NEFH: variants seen among roughly 807,000 people sequenced by gnomAD.
NEFH encodes neurofilament heavy chain, also known as neurofilament heavy polypeptide.
NEFH carries 58 observed loss-of-function variants against 56.6 expected under a neutral mutation model. The observed-to-expected ratio is 1.03, with a 90% CI of 0.83 to 1.28. NEFH has a LOEUF of 1.28. Ranked by LOEUF, NEFH falls within the 50% of genes most tolerant of loss-of-function variation. The pLI is 0.00. For synonymous variants in NEFH, 542 were observed against 545.8 expected, an observed-to-expected ratio of 0.99 and a Z score of 0.10; for missense variants, 1,221 against 1,307.6, an observed-to-expected ratio of 0.93 and a Z score of 1.02.
rs1292984920 is a variant in NEFH, at chr22:29,488,233, G to A, written c.1209-616G>A. ...ACAAAAATTAACTGGACGTGGTGGC[G>A]TGCGCCTGTACTCCCAGCTACTCAG... On this transcript the variant is annotated intron_variant, in intron 3 of 3. Transcript: ENST00000310624. Among the ~76,000 whole-genome samples the A allele has an allele frequency of 7.2e-5, 11 of 152,054 alleles. No homozygotes were observed. In the South Asian group the frequency reaches 2.1e-3, roughly 29 times the overall value.
Position 29,490,510 on chromosome 22 carries a change from C to T in NEFH, c.2870C>T (p.Thr957Ile), listed in dbSNP as rs1280486804. 1 of 1,593,790 alleles carries T rather than the reference C, an allele frequency of 6.3e-7. No homozygotes were observed. Among genetic ancestry groups the T allele is most frequent in the Admixed American group, 1.8e-5 (1 of 54,598 alleles). The part of the protein sequence containing the change: ...KKEAAPEKKD[T>I]KEEKAKKPEE... ...GAGGCAGCACCGGAGAAAAAAGACACCAAGGAGGAGAAGGCCAAGAAGCCT... is the reference window on the plus strand; with the variant it reads ...GAGGCAGCACCGGAGAAAAAAGACATCAAGGAGGAGAAGGCCAAGAAGCCT... The change falls in exon 4 of 4, where the codon ACC becomes ATC. Residue 957 changes from threonine to isoleucine, a missense_variant. Coordinates refer to ENST00000310624, the MANE Select transcript of NEFH (RefSeq NM_021076.4).
Position 29,490,888 on chromosome 22 carries a change from C to CA in NEFH, c.*186dup. On this transcript the variant is annotated 3_prime_UTR_variant, in exon 4 of 4. Transcript: ENST00000310624. ...ATATGTTAGCAAGAGAGGGCACTCCCAGGCCCCTGCCCCCAGGCCCTCCCC... is the reference window on the plus strand; with the variant it reads ...ATATGTTAGCAAGAGAGGGCACTCCCAAGGCCCCTGCCCCCAGGCCCTCCCC... The CA allele has an allele frequency of 8.4e-7, 1 of 1,186,570 alleles. No individual in the cohort carries two copies. The highest frequency in any genetic ancestry group is 1.5e-5 in the African/African-American group (1 of 65,844). 73.5% of individuals were successfully genotyped at this position (1,186,570 alleles called of 1,614,324 possible). A position where few individuals can be genotyped will look rare whatever the true frequency, so the allele number is the denominator to read the frequency against.
chr22:29,485,582 C>A, intron 2 of NEFH, 141 bp from the exon 3 acceptor site: 1 of 983,004 alleles, frequency 1.0e-6, no homozygotes, highest in Admixed American at 2.0e-5. Flanking sequence ...GAGGACCCTA[C>A]AGCTCTGGCA....
At chr22:29,486,082 G>A (rs779090983) in intron 3 of NEFH, among the ~76,000 whole-genome samples, 70 of 152,164 alleles carry the variant, frequency 4.6e-4, no homozygotes, top group Non-Finnish European at 7.9e-4. Context: ...ATGGTGGTGC[G>A]ATCTCTGCCC....
rs370305191 is a variant in NEFH, at chr22:29,480,272, T to G, written c.10T>G (p.Phe4Val). The change falls in exon 1 of 4, where the codon TTC (phenylalanine) becomes GTC (valine). Residue 4 changes from phenylalanine to valine, a missense_variant. By Grantham distance (50) the Phe-to-Val change is conservative. This residue lies in a region of NEFH where 640 missense variants were observed against 555.5 expected (regional missense o/e 1.15). Coordinates refer to ENST00000310624, the MANE Select transcript of NEFH (RefSeq NM_021076.4). MMS[F>V]GGADALLGAP... is the part of the protein sequence containing the mutation. Reference sequence around the variant, plus strand: ...CGCACCTGCTCAGGCCATGATGAGCTTCGGCGGCGCGGACGCGCTGCTGGG... The same window carrying G: ...CGCACCTGCTCAGGCCATGATGAGCGTCGGCGGCGCGGACGCGCTGCTGGG... 6.6e-7 allele frequency: 1 copy of G among 1,510,708 alleles called. No homozygotes were observed. Among genetic ancestry groups the G allele is most frequent in the South Asian group, 1.2e-5 (1 of 81,318 alleles). The allele number at this position is 1,510,708 out of a possible 1,614,324, so 93.6% of individuals were successfully genotyped here.
chr22:29,489,116 G>A lies in NEFH; in HGVS notation c.1476G>A (p.Glu492=). The change falls in exon 4 of 4, where the codon GAG becomes GAA. Residue 492 remains glutamate, a synonymous_variant. Transcript: ENST00000310624. ...AGGAGGAAGAAGGGGGTGAAGAAGA[G>A]GAGGCAGAAGGGGGAGAAGAAGAAA... is the stretch of plus-strand genomic sequence containing the variant. ...EGKEEEGGEE[E]EAEGGEEETK... is the part of the protein sequence containing the mutation. 3.7e-6 allele frequency: 6 copies of A among 1,613,430 alleles called. No homozygotes were observed. Among genetic ancestry groups the A allele is most frequent in the East Asian group, 4.5e-5 (2 of 44,862 alleles).
At chr22:29,483,122 A>G (rs2063021300) in intron 1 of NEFH, among the ~76,000 whole-genome samples, 1 of 152,116 alleles carries the variant, frequency 6.6e-6, no homozygotes, top group African/African-American at 2.4e-5. Context: ...TACTAAAAAT[A>G]CAAAAAATTA....
rs930326229 is a variant in NEFH, at chr22:29,480,925, G to A, written c.663G>A (p.Gln221=). 6 of 1,519,340 alleles carry A rather than the reference G, an allele frequency of 3.9e-6. No individual in the cohort carries two copies. The African/African-American group carries it at 8.5e-5, about 22-fold the overall frequency. The allele number at this position is 1,519,340 out of a possible 1,614,324, so 94.1% of individuals were successfully genotyped here. A position where few individuals can be genotyped will look rare whatever the true frequency, so the allele number is the denominator to read the frequency against. ...GCGTGGACCTGCAGAAGAAGGCGCA[G>A]GCGCTGCAGGAGGAGTGCGGCTACC... ...AARVDLQKKA[Q]ALQEECGYLR... is the part of the protein sequence containing the mutation. Residue 221 remains glutamine (Q), a synonymous_variant, in exon 1 of 4, where the codon CAG becomes CAA. Transcript: ENST00000310624.
chr22:29,489,943 C>T lies in NEFH; in HGVS notation c.2303C>T (p.Thr768Ile). Residue 768 changes from threonine to isoleucine, a missense_variant, in exon 4 of 4, where the codon ACT becomes ATT. Physicochemically the swap from Thr to Ile is moderately conservative, Grantham distance 89. Transcript: ENST00000310624. ...TLDVKSPEAK[T>I]PAKEEARSPA... ...GATGTGAAGTCTCCAGAAGCCAAGA[C>T]TCCAGCGAAGGAGGAAGCAAGGTCC... The T allele has an allele frequency of 1.2e-6, 2 of 1,613,392 alleles. No individual in the cohort carries two copies. Among genetic ancestry groups the T allele is most frequent in the South Asian group, 2.2e-5 (2 of 91,038 alleles).
chr22:29,481,085 C>G lies in NEFH; in HGVS notation c.823C>G (p.Arg275Gly), dbSNP rs1293840406. ...CGTGACGTCGGCGCTGCGCGAGATT[C>G]GCGCGCAGCTTGAAGGCCACGCGGT... is the stretch of plus-strand genomic sequence containing the variant. Reference protein sequence around the residue: ...CDVTSALREIRAQLEGHAVQS... With the variant: ...CDVTSALREIGAQLEGHAVQS... The change falls in exon 1 of 4, where the codon CGC (arginine) becomes GGC (glycine). Residue 275 changes from arginine (R) to glycine (G), a missense_variant. This residue lies in a region of NEFH where 640 missense variants were observed against 555.5 expected (regional missense o/e 1.15). Transcript: ENST00000310624. The G allele has an allele frequency of 2.0e-6, 3 of 1,531,992 alleles. No individual in the cohort carries two copies. The highest frequency in any genetic ancestry group is 2.0e-5 in the Admixed American group (1 of 50,938). The allele number at this position is 1,531,992 out of a possible 1,614,324, so 94.9% of individuals were successfully genotyped here.
intron 1 of NEFH, among the ~76,000 whole-genome samples, chr22:29,482,558 G>T (rs1217184436): frequency 2.0e-5 from 3 of 152,232 alleles, no homozygotes; most frequent in Non-Finnish European, 4.4e-5. Context: ...ACTGACCTTG[G>T]ACTGTGCGCA....
intron 2 of NEFH, among the ~76,000 whole-genome samples, chr22:29,484,376 A>G (rs1211870586): frequency 6.6e-6 from 1 of 152,046 alleles, no homozygotes; most frequent in Non-Finnish European, 1.5e-5. Flanking sequence ...CTAGTGGCTC[A>G]TGCCTGTAAT....
Position 29,480,226 on chromosome 22 carries a change from T to G in NEFH, c.-37T>G. ...GGCGCCCTGGTGCTGCCGCAGTGCC[T>G]CCCGCCCCGTCCCGGCCTCGCGCAC... On this transcript the variant is annotated 5_prime_UTR_variant, in exon 1 of 4. Coordinates refer to ENST00000310624, the MANE Select transcript of NEFH (RefSeq NM_021076.4). 6.7e-7 allele frequency: 1 copy of G among 1,491,390 alleles called. No individual in the cohort carries two copies. Among genetic ancestry groups the G allele is most frequent in the Non-Finnish European group, 8.8e-7 (1 of 1,129,962 alleles). 92.4% of individuals were successfully genotyped at this position (1,491,390 alleles called of 1,614,324 possible).
In NEFH at chr22:29,490,747, A is replaced by G; in HGVS notation, c.*44A>G. On this transcript the variant is annotated 3_prime_UTR_variant, in exon 4 of 4. Coordinates refer to ENST00000310624, the MANE Select transcript of NEFH (RefSeq NM_021076.4). ...TCCGGAACAGCCAAAGAAACTCAGA[A>G]GAGTCCCGGAGCTCAAGGATCAGAG... The G allele has an allele frequency of 6.2e-7, 1 of 1,612,506 alleles. No homozygotes were observed. Among genetic ancestry groups the G allele is most frequent in the Non-Finnish European group, 8.5e-7 (1 of 1,179,510 alleles).
Position 29,490,624 on chromosome 22 carries a change from A to G in NEFH, c.2984A>G (p.Glu995Gly). Residue 995 changes from glutamate to glycine, a missense_variant, in exon 4 of 4, where the codon GAA (glutamate) becomes GGA (glycine). Around this residue, in one of 4 missense-constraint regions of NEFH, gnomAD observed 301 missense variants for 346.6 expected, o/e 0.87. Transcript: ENST00000310624. ...AGCAAGCCTAAGGCAGAAAAGGCTG[A>G]AAAATCCTCCAGCACAGACCAAAAA... ...EPSKPKAEKA[E>G]KSSSTDQKDS... is the part of the protein sequence containing the mutation. 1 of 1,614,156 alleles carries G rather than the reference A, an allele frequency of 6.2e-7. No individual in the cohort carries two copies. The highest frequency in any genetic ancestry group is 8.5e-7 in the Non-Finnish European group (1 of 1,180,036).
At position 29,483,506 on chromosome 22, in the gene NEFH, A is replaced by C. The variant is rs771953346; in HGVS notation, c.1015A>C (p.Lys339Gln). The C allele has an allele frequency of 1.2e-6, 2 of 1,614,096 alleles. No homozygotes were observed. Among genetic ancestry groups the C allele is most frequent in the South Asian group, 2.2e-5 (2 of 91,092 alleles). The change falls in exon 2 of 4, where the codon AAG (lysine) becomes CAG (glutamine). Residue 339 changes from lysine (K) to glutamine (Q), a missense_variant. Coordinates refer to ENST00000310624, the MANE Select transcript of NEFH (RefSeq NM_021076.4). ...TTELEALKST[K>Q]DSLERQRSEL... is the part of the protein sequence containing the mutation. The stretch of plus-strand genomic sequence containing the variant: ...AGAGCTGGAGGCACTGAAAAGCACC[A>C]AGGACTCACTGGAGAGGCAGCGCTC...
At chr22:29,481,618 C>T (rs148229152) in intron 1 of NEFH, among the ~76,000 whole-genome samples, 6 of 152,340 alleles carry the variant, frequency 3.9e-5, no homozygotes, top group Admixed American at 3.9e-4. Context: ...CTACCAGGCT[C>T]CTTCCCACTA....
Position 29,480,583 on chromosome 22 carries a change from C to CT in NEFH, c.323dup (p.Ala109ArgfsTer171). 1 of 1,556,052 alleles carries CT rather than the reference C, an allele frequency of 6.4e-7. No homozygotes were observed. The highest frequency in any genetic ancestry group is 8.6e-7 in the Non-Finnish European group (1 of 1,159,476). ...AGCAGCTGCAGGCGCTGAACGACCGCTTCGCCGGGTACATCGACAAGGTGC... is the reference window on the plus strand; with the variant it reads ...AGCAGCTGCAGGCGCTGAACGACCGCTTTCGCCGGGTACATCGACAAGGTGC... On this transcript the variant is annotated frameshift_variant, in exon 1 of 4. Transcript: ENST00000310624. LOFTEE classifies it high-confidence loss of function.
Position 29,480,280 on chromosome 22 carries a change from C to T in NEFH, c.18C>T (p.Gly6=), listed in dbSNP as rs2062994697. The change falls in exon 1 of 4, where the codon GGC becomes GGT. Residue 6 remains glycine (G), a synonymous_variant. Coordinates refer to ENST00000310624, the MANE Select transcript of NEFH (RefSeq NM_021076.4). Reference sequence around the variant, plus strand: ...CTCAGGCCATGATGAGCTTCGGCGGCGCGGACGCGCTGCTGGGCGCCCCGT... The same window carrying T: ...CTCAGGCCATGATGAGCTTCGGCGGTGCGGACGCGCTGCTGGGCGCCCCGT... MMSFG[G]ADALLGAPFA... The T allele has an allele frequency of 6.6e-7, 1 of 1,509,796 alleles. No individual in the cohort carries two copies. The highest frequency in any genetic ancestry group is 8.8e-7 in the Non-Finnish European group (1 of 1,138,064). The allele number at this position is 1,509,796 out of a possible 1,614,324, so 93.5% of individuals were successfully genotyped here.
Sources: allele counts gnomAD v4.1 joint callset (sites outside exome capture counted in the v4.1 genomes callset), GRCh38; gene constraint gnomAD v4.1.1; regional missense constraint gnomAD v4.1.1; transcripts MANE v1.5; gene names NCBI Gene and HGNC (gene_info 2026-07-23, HGNC 2026-07-21).